LRP6: variants seen among roughly 807,000 people sequenced by gnomAD.
LRP6 encodes low-density lipoprotein receptor-related protein 6.
Under a neutral mutation model 184.1 loss-of-function variants are expected in LRP6, and 43 were observed. The observed-to-expected ratio is 0.23, with a 90% CI of 0.18 to 0.30. LRP6 has a LOEUF of 0.30. Ranked by LOEUF, LRP6 falls within the 10% of genes least tolerant of loss-of-function variation. LRP6 has a pLI of 1.00. For missense variants in LRP6, 1,571 were observed against 2,005.3 expected (o/e 0.78, Z 4.14); for synonymous variants, 719 against 684.9 (o/e 1.05, Z -0.78).
chr12:12,238,641 G>A (rs898655380), intron 2 of LRP6, among the ~76,000 whole-genome samples: 1 of 152,026 alleles, frequency 6.6e-6, no homozygotes, highest in Non-Finnish European at 1.5e-5. Context: ...AACTAATCAC[G>A]TAGAATTCTA....
At chr12:12,211,918 C>A (rs117354004) in intron 2 of LRP6, among the ~76,000 whole-genome samples, 41 of 152,176 alleles carry the variant, frequency 2.7e-4, no homozygotes, top group African/African-American at 9.6e-4. Flanking sequence ...TGCTGTTATA[C>A]GTCATTCCTC....
intron 2 of LRP6, among the ~76,000 whole-genome samples, chr12:12,215,653 G>A (rs1864323891): frequency 6.6e-6 from 1 of 151,032 alleles, no homozygotes. Context: ...GCCTGGCCAA[G>A]GACTAAGATT....
intron 7 of LRP6, among the ~76,000 whole-genome samples, chr12:12,173,396 T>C (rs1317732191): frequency 6.6e-6 from 1 of 152,160 alleles, no homozygotes; most frequent in East Asian, 1.9e-4. Context: ...AAGCTAGAGT[T>C]CAGTGGCATG....
intron 7 of LRP6, among the ~76,000 whole-genome samples, chr12:12,169,380 G>A (rs972734086): frequency 1.3e-5 from 2 of 152,112 alleles, no homozygotes; most frequent in Admixed American, 6.5e-5. Flanking sequence ...TTGGATTTCA[G>A]AATTGCAGAT....
chr12:12,151,181 G>C, intron 12 of LRP6, 143 bp from the exon 13 acceptor site: 1 of 764,206 alleles, frequency 1.3e-6, no homozygotes, highest in Non-Finnish European at 2.2e-6. Flanking sequence ...AAATTCTTTG[G>C]CATGCCCTCA....
intron 2 of LRP6, among the ~76,000 whole-genome samples, chr12:12,217,661 C>G (rs12319942): frequency 6.6e-6 from 1 of 151,862 alleles, no homozygotes; most frequent in Non-Finnish European, 1.5e-5. Context: ...GTAATCAAGA[C>G]AGTGTGATAC....
intron 2 of LRP6, among the ~76,000 whole-genome samples, chr12:12,205,863 G>A (rs1218594916): frequency 2.0e-5 from 3 of 152,180 alleles, no homozygotes; most frequent in Admixed American, 6.5e-5. Flanking sequence ...CAGAATGAGC[G>A]GTATGGACAA....
chr12:12,134,886 G>C (rs1446351152), intron 17 of LRP6, among the ~76,000 whole-genome samples: 1 of 152,174 alleles, frequency 6.6e-6, no homozygotes, highest in Non-Finnish European at 1.5e-5. Flanking sequence ...GAACCTGGAA[G>C]TCATCCTGTT....
At chr12:12,258,371 G>A (rs114524513) in intron 1 of LRP6, among the ~76,000 whole-genome samples, 3 of 152,022 alleles carry the variant, frequency 2.0e-5, no homozygotes, top group African/African-American at 7.2e-5. Flanking sequence ...TAAAGAGATG[G>A]GATTACAGGT....
At chr12:12,234,208 A>G (rs1161694622) in intron 2 of LRP6, among the ~76,000 whole-genome samples, 2 of 151,900 alleles carry the variant, frequency 1.3e-5, no homozygotes, top group African/African-American at 4.8e-5. Flanking sequence ...AATTGCTTTA[A>G]CCCAGGAGGC....
chr12:12,229,649 T>C (rs1002190996), intron 2 of LRP6, among the ~76,000 whole-genome samples: 9 of 152,206 alleles, frequency 5.9e-5, no homozygotes, highest in Admixed American at 1.3e-4. Flanking sequence ...ATTCAACTAG[T>C]TGTGTAATAT....
intron 15 of LRP6, among the ~76,000 whole-genome samples, chr12:12,139,939 C>G (rs1035971533): frequency 6.6e-6 from 1 of 152,060 alleles, no homozygotes; most frequent in Non-Finnish European, 1.5e-5. Flanking sequence ...AAAGTGGAAG[C>G]ACCAGGTATT....
At chr12:12,255,998 C>T (rs1243688868) in intron 1 of LRP6, among the ~76,000 whole-genome samples, 1 of 152,072 alleles carries the variant, frequency 6.6e-6, no homozygotes, top group African/African-American at 2.4e-5. Flanking sequence ...CACAAGAAGG[C>T]CCAGGTAAAA....
chr12:12,194,230 T>A (rs1863692976), intron 3 of LRP6, among the ~76,000 whole-genome samples: 1 of 151,946 alleles, frequency 6.6e-6, no homozygotes, highest in Non-Finnish European at 1.5e-5. Context: ...AACCTACAGG[T>A]AATATCATGC....
chr12:12,226,989 T>C (rs1591965787), intron 2 of LRP6, among the ~76,000 whole-genome samples: 1 of 152,116 alleles, frequency 6.6e-6, no homozygotes, highest in Admixed American at 6.5e-5. Flanking sequence ...ACCTAACACC[T>C]TGGCATATCA....
intron 3 of LRP6, among the ~76,000 whole-genome samples, chr12:12,188,899 C>G (rs1457073606): frequency 2.0e-5 from 3 of 151,900 alleles, no homozygotes; most frequent in Non-Finnish European, 4.4e-5. Context: ...ATGGTGGAAA[C>G]AGAGAGAGAA....
At chr12:12,207,592 C>T (rs1467084519) in intron 2 of LRP6, among the ~76,000 whole-genome samples, 1 of 152,086 alleles carries the variant, frequency 6.6e-6, no homozygotes, top group African/African-American at 2.4e-5. Context: ...ATCTAACTGA[C>T]TCTGGTGGGG....
At chr12:12,131,343 C>T (rs898414853) in intron 18 of LRP6, among the ~76,000 whole-genome samples, 8 of 151,804 alleles carry the variant, frequency 5.3e-5, no homozygotes, top group African/African-American at 1.5e-4. Flanking sequence ...CTCCTGACCT[C>T]GTGATCCGCC....
intron 10 of LRP6, 45 bp from the exon 11 acceptor site, chr12:12,160,009 T>C: frequency 7.1e-7 from 1 of 1,402,480 alleles, no homozygotes. Context: ...TTTTTTATTA[T>C]CTGGGGGAAA....
Sources: gnomAD v4.1 joint callset for allele counts (sites outside exome capture counted in the v4.1 genomes callset) on GRCh38, gnomAD v4.1.1 for gene constraint, MANE v1.5 for transcripts, NCBI Gene and HGNC (gene_info 2026-07-23, HGNC 2026-07-21) for gene names.